Variants in ZDHHC11B observed in about 807,000 individuals in gnomAD.
The protein encoded by ZDHHC11B is probable palmitoyltransferase ZDHHC11B.
In ZDHHC11B, 17 loss-of-function variants were observed where a neutral mutation model predicts 42.3. That is an observed-to-expected ratio of 0.40 (90% confidence interval 0.27 to 0.60). ZDHHC11B has a LOEUF of 0.60. Among genes scored for constraint, ZDHHC11B ranks in the 20% least tolerant of loss-of-function variants. The pLI, the probability that ZDHHC11B is intolerant of heterozygous loss-of-function variation, is 0.41. For missense variants in ZDHHC11B, 262 were observed against 463.2 expected, an observed-to-expected ratio of 0.57 and a Z score of 3.99; for synonymous variants, 123 against 193.5, an observed-to-expected ratio of 0.64 and a Z score of 3.02.
At position 775,693 on chromosome 5, in the gene ZDHHC11B, C is replaced by T. The variant is rs1260532404; in HGVS notation, c.-229-6763G>A. Among the ~76,000 whole-genome samples the T allele has an allele frequency of 4.0e-5, 6 of 151,840 alleles. 1 individual carries two copies. Among genetic ancestry groups the T allele is most frequent in the Admixed American group, 2.0e-4 (3 of 15,230 alleles). ...CCTGGGTGGGAGCTGCTCCCTCTAA[C>T]CCTGGAGACGCCGCCCAGGAGTCCA... On this transcript the variant is annotated intron_variant, in intron 1 of 13. Transcript: ENST00000508859.
At chr5:778,054 AC>A (rs1323812199) in intron 1 of ZDHHC11B, among the ~76,000 whole-genome samples, 2 of 151,898 alleles carry the variant, frequency 1.3e-5, no homozygotes, top group Non-Finnish European at 2.9e-5. Flanking sequence ...CTCCGCAGCC[AC>A]CGTAGGACAG....
At chr5:773,466 C>T (rs1247626052) in intron 1 of ZDHHC11B, among the ~76,000 whole-genome samples, 4 of 151,852 alleles carry the variant, frequency 2.6e-5, no homozygotes, top group African/African-American at 9.7e-5. Flanking sequence ...CACGTGTGTG[C>T]CCTGAACCTC....
At chr5:777,276 C>G (rs1469944923) in intron 1 of ZDHHC11B, among the ~76,000 whole-genome samples, 1 of 151,824 alleles carries the variant, frequency 6.6e-6, no homozygotes, top group Non-Finnish European at 1.5e-5. Flanking sequence ...TTCATTCCTT[C>G]CCGTGGGTTC....
At chr5:776,480 G>C (rs754076953) in intron 1 of ZDHHC11B, among the ~76,000 whole-genome samples, 1 of 151,922 alleles carries the variant, frequency 6.6e-6, no homozygotes, top group Non-Finnish European at 1.5e-5. Context: ...TGGCCAGCAG[G>C]GCTGAGGGGA....
chr5:771,739 C>T lies in ZDHHC11B; in HGVS notation c.-229-2809G>A, dbSNP rs1365110720. On this transcript the variant is annotated intron_variant, in intron 1 of 13. Transcript: ENST00000508859. ...TGGTGGGTTTTGTGAGCACCCAGAA[C>T]AGTGGTGGGCGTGCGGGTCAGAGAG... Among the ~76,000 whole-genome samples the T allele has an allele frequency of 1.3e-4, 19 of 151,546 alleles. No individual in the cohort carries two copies. In the East Asian group the frequency reaches 3.1e-3, roughly 25 times the overall value.
Position 752,179 on chromosome 5 carries a change from C to T in ZDHHC11B, c.504-922G>A, listed in dbSNP as rs1745863294. Among the ~76,000 whole-genome samples, 2 of 98,780 alleles carry T rather than the reference C, an allele frequency of 2.0e-5. 1 individual carries two copies. The highest frequency in any genetic ancestry group is 4.5e-5 in the Non-Finnish European group (2 of 44,454). 64.8% of individuals were successfully genotyped at this position (98,780 alleles called of 152,430 possible). On this transcript the variant is annotated intron_variant, in intron 6 of 13. Coordinates refer to ENST00000508859, the MANE Select transcript of ZDHHC11B (RefSeq NM_001351303.2). ...AGGGAAGGGGAGAGCCATGAGAGTG[C>T]CGTGGCACCCAGGAGGGCCTGCAGG... is the stretch of plus-strand genomic sequence containing the variant.
rs528304761 is a variant in ZDHHC11B at position 777,846 on chromosome 5, G to T, written c.-230+6822C>A. Among the ~76,000 whole-genome samples, 80 of 152,052 alleles carry T rather than the reference G, an allele frequency of 5.3e-4. 1 individual carries two copies. Among genetic ancestry groups the T allele is most frequent in the African/African-American group, 1.9e-3 (77 of 41,486 alleles). ...CGCCCGCACTCCTCAGCCCTTGGGCGGTCCATGGGACCCGGCGGGGGCGGC... is the reference window on the plus strand; with the variant it reads ...CGCCCGCACTCCTCAGCCCTTGGGCTGTCCATGGGACCCGGCGGGGGCGGC... On this transcript the variant is annotated intron_variant, in intron 1 of 13. Coordinates refer to ENST00000508859, the MANE Select transcript of ZDHHC11B (RefSeq NM_001351303.2).
At chr5:773,159 T>G (rs1216946353) in intron 1 of ZDHHC11B, among the ~76,000 whole-genome samples, 1 of 151,820 alleles carries the variant, frequency 6.6e-6, no homozygotes, top group African/African-American at 2.4e-5. Flanking sequence ...TGAGGAGGTG[T>G]CAGACGGACA....
At chr5:737,818 C>G (rs1240787873) in intron 10 of ZDHHC11B, among the ~76,000 whole-genome samples, 1 of 146,954 alleles carries the variant, frequency 6.8e-6, no homozygotes, top group African/African-American at 2.5e-5. Flanking sequence ...AATAAAAGCC[C>G]TCTATGACAA....
chr5:769,907 C>T (rs1255747960), intron 1 of ZDHHC11B, among the ~76,000 whole-genome samples: 5 of 151,922 alleles, frequency 3.3e-5, no homozygotes, highest in South Asian at 2.1e-4. Context: ...TTTTCAGGAA[C>T]GTGGCTCGAG....
At chr5:727,772 A>G (rs1314294529) in intron 12 of ZDHHC11B, among the ~76,000 whole-genome samples, 2 of 123,644 alleles carry the variant, frequency 1.6e-5, no homozygotes, top group Non-Finnish European at 3.5e-5. Flanking sequence ...CTCTCCCTGT[A>G]TGCAAAAATA....
At chr5:763,946 G>A (rs988862991) in intron 4 of ZDHHC11B, among the ~76,000 whole-genome samples, 2 of 151,894 alleles carry the variant, frequency 1.3e-5, no homozygotes, top group Admixed American at 6.6e-5. Context: ...GCAGGTGACT[G>A]GCACCTGCGG....
intron 1 of ZDHHC11B, among the ~76,000 whole-genome samples, chr5:772,342 G>A (rs1426366676): frequency 6.8e-6 from 1 of 146,662 alleles, no homozygotes; most frequent in African/African-American, 2.4e-5. Context: ...GCACGGTGGG[G>A]GCCGTGGGGG....
In ZDHHC11B at chr5:759,805, G is replaced by A. The variant is rs80062444; in HGVS notation, c.223-3661C>T. On this transcript the variant is annotated intron_variant, in intron 4 of 13. Transcript: ENST00000508859. ...CTGACCTCCCTTGGGGTCAGGGGCT[G>A]CAGCCACTGGGCCTGGGAGGTCACT... Among the ~76,000 whole-genome samples the A allele has an allele frequency of 6.0e-3, 905 of 151,352 alleles. 1 individual carries two copies. The East Asian group carries it at 0.11, about 19-fold the overall frequency.
At chr5:741,073 C>G (rs538422316) in intron 10 of ZDHHC11B, among the ~76,000 whole-genome samples, 1 of 123,272 alleles carries the variant, frequency 8.1e-6, no homozygotes, top group African/African-American at 2.7e-5. Flanking sequence ...CAAAATAAAA[C>G]GAACCGCACT....
intron 3 of ZDHHC11B, 92 bp downstream of exon 3, chr5:767,300 C>T: frequency 7.0e-7 from 1 of 1,418,642 alleles, no homozygotes; most frequent in Non-Finnish European, 9.7e-7. Context: ...ATGGCCCTCT[C>T]CCCACCCACA....
intron 11 of ZDHHC11B, among the ~76,000 whole-genome samples, chr5:731,657 A>G (rs1743028113): frequency 6.6e-6 from 1 of 151,912 alleles, no homozygotes; most frequent in Non-Finnish European, 1.5e-5. Context: ...TGTGGCTGAT[A>G]TTTTCATTCT....
intron 1 of ZDHHC11B, among the ~76,000 whole-genome samples, chr5:779,248 CATG>C (rs1736788309): frequency 6.6e-6 from 1 of 150,930 alleles, no homozygotes; most frequent in South Asian, 2.1e-4. Flanking sequence ...GAAGCTGACT[CATG>C]AGATGCCTGG....
chr5:771,029 A>C (rs1458329809), intron 1 of ZDHHC11B, among the ~76,000 whole-genome samples: 2 of 151,910 alleles, frequency 1.3e-5, no homozygotes, highest in African/African-American at 2.4e-5. Context: ...TCAGGGCATG[A>C]AAGCTGCTTC....
Sources: allele counts gnomAD v4.1 joint callset (sites outside exome capture counted in the v4.1 genomes callset), GRCh38; gene constraint gnomAD v4.1.1; transcripts MANE v1.5; gene names NCBI Gene and HGNC (gene_info 2026-07-23, HGNC 2026-07-21).